The following BOP1 variants were observed in gnomAD, a reference collection of about 807,000 sequenced individuals.
The protein encoded by BOP1 is ribosome biogenesis protein BOP1.
Under a neutral mutation model 82.9 loss-of-function variants are expected in BOP1, and 54 were observed. That is an observed-to-expected ratio of 0.65 (90% CI 0.52 to 0.82). The LOEUF (loss-of-function observed/expected upper bound fraction) is 0.82, where lower values mean the gene tolerates loss of function less well. BOP1 is among the 40% of genes least tolerant of loss of function. The pLI, the probability that BOP1 is intolerant of heterozygous loss-of-function variation, is 0.00. For missense variants in BOP1, 1,170 were observed against 1,072.0 expected (o/e 1.09, Z -1.28); for synonymous variants, 566 against 451.1 (o/e 1.25, Z -3.23).
intron 2 of BOP1, among the ~76,000 whole-genome samples, chr8:144,285,492 CA>C (rs1814842054): frequency 6.6e-6 from 1 of 152,196 alleles, no homozygotes; most frequent in African/African-American, 2.4e-5. Context: ...TCTCGTCCTT[CA>C]GGGGCTGCCA....
At chr8:144,263,952 CA>C in intron 8 of BOP1, 28 bp downstream of exon 8, 1 of 1,611,220 alleles carries the variant, frequency 6.2e-7, no homozygotes, top group Non-Finnish European at 8.5e-7. Context: ...CCCCCTGTGC[CA>C]CCCCCCTGGT....
chr8:144,263,200 C>G, intron 12 of BOP1, 21 bp downstream of exon 12: 1 of 1,593,424 alleles, frequency 6.3e-7, no homozygotes, highest in Non-Finnish European at 8.5e-7. Flanking sequence ...TGCAGCCTCA[C>G]CCCCAAGGCG....
intron 2 of BOP1, among the ~76,000 whole-genome samples, chr8:144,287,301 C>G (rs924382913): frequency 6.6e-6 from 1 of 152,130 alleles, no homozygotes; most frequent in African/African-American, 2.4e-5. Flanking sequence ...TGAGCCACCA[C>G]GCCCGCTGAA....
chr8:144,265,883 G>C (rs893482575), intron 3 of BOP1: 4 of 153,048 alleles, frequency 2.6e-5, no homozygotes, highest in Admixed American at 1.3e-4. Context: ...GAAGGAGGAA[G>C]GGGCAAGGAG....
intron 2 of BOP1, chr8:144,281,791 G>GC (rs1845689110): frequency 1.3e-5 from 2 of 152,062 alleles, no homozygotes; most frequent in Non-Finnish European, 2.9e-5. Context: ...CACCATGTTG[G>GC]CCGGGCTGGT....
chr8:144,263,614 G>A lies in BOP1; in HGVS notation c.1292-4C>T, dbSNP rs1227140373. 14 of 1,608,610 alleles carry A rather than the reference G, an allele frequency of 8.7e-6. No homozygotes were observed. The highest frequency in any genetic ancestry group is 2.0e-4 in the Middle Eastern group (1 of 4,988). On this transcript the variant is annotated splice_polypyrimidine_tract_variant and splice_region_variant and intron_variant, in intron 10 of 15. Coordinates refer to ENST00000569669, the MANE Select transcript of BOP1 (RefSeq NM_015201.5). Reference sequence around the variant, plus strand: ...CGCAGGGAGCCGTCGTCAGAGCCTGGATGCGGCAGAGACAGCTCTCAACAC... The same window carrying A: ...CGCAGGGAGCCGTCGTCAGAGCCTGAATGCGGCAGAGACAGCTCTCAACAC...
At chr8:144,265,127 C>A in intron 3 of BOP1, 56 bp from the exon 4 acceptor site, 1 of 1,575,612 alleles carries the variant, frequency 6.3e-7, no homozygotes, top group South Asian at 1.2e-5. Context: ...ACCCCCGCTT[C>A]GGGCCGCCCA....
In BOP1 at chr8:144,289,298, G is replaced by C. The variant is rs782467368; in HGVS notation, c.106C>G (p.Leu36Val). The C allele has an allele frequency of 5.6e-6, 9 of 1,613,278 alleles. No individual in the cohort carries two copies. The highest frequency in any genetic ancestry group is 1.7e-5 in the Admixed American group (1 of 59,924). Residue 36 changes from leucine to valine, a missense_variant, in exon 2 of 16, where the codon CTC (leucine) becomes GTC (valine). Transcript: ENST00000569669. ...LEPEPEPEPP[L>V]LCTSPLSHST... ...TGGCTGAGAGGAGAGGTGCAGAGGAGGGGGGGCTGCAAGGAAACACTGGGT... is the reference window on the plus strand; with the variant it reads ...TGGCTGAGAGGAGAGGTGCAGAGGACGGGGGGCTGCAAGGAAACACTGGGT...
Position 144,289,267 on chromosome 8 carries a change from G to A in BOP1, c.137C>T (p.Thr46Ile), listed in dbSNP as rs1554839833. 1.6e-5 allele frequency: 26 copies of A among 1,613,972 alleles called. No individual in the cohort carries two copies. Among genetic ancestry groups the A allele is most frequent in the Non-Finnish European group, 2.1e-5 (25 of 1,180,020 alleles). Residue 46 changes from threonine to isoleucine, a missense_variant, in exon 2 of 16, where the codon ACC becomes ATC. Physicochemically the swap from Thr to Ile is moderately conservative, Grantham distance 89. Transcript: ENST00000569669. ...LLCTSPLSHS[T>I]GSDSGVSDSE... The stretch of plus-strand genomic sequence containing the variant: ...GTCGGAGACGCCAGAATCGCTGCCG[G>A]TGCTGTGGCTGAGAGGAGAGGTGCA...
chr8:144,269,058 C>A (rs1230017536), intron 3 of BOP1, among the ~76,000 whole-genome samples: 1 of 152,188 alleles, frequency 6.6e-6, no homozygotes, highest in Non-Finnish European at 1.5e-5. Flanking sequence ...GGAAGCACTG[C>A]CCACGTGGGA....
At chr8:144,268,307 C>A (rs931513348) in intron 3 of BOP1, 6 of 991,208 alleles carry the variant, frequency 6.1e-6, no homozygotes, top group East Asian at 2.6e-5. Flanking sequence ...GACGGACGTA[C>A]AGACAGGCGC....
rs1003003808 is a variant in BOP1, at chr8:144,263,683, C to G, written c.1291+9G>C. 6 of 1,580,230 alleles carry G rather than the reference C, an allele frequency of 3.8e-6. No individual in the cohort carries two copies. Among genetic ancestry groups the G allele is most frequent in the South Asian group, 2.3e-5 (2 of 87,316 alleles). ...CCCCAGCTCAAGGCTGCCCCCAGCT[C>G]GGACCCACCTGAAACCAGCCACTGG... On this transcript the variant is annotated intron_variant, in intron 10 of 15. Transcript: ENST00000569669.
chr8:144,290,561 T>C (rs1554840041), intron 1 of BOP1, among the ~76,000 whole-genome samples: 2 of 152,156 alleles, frequency 1.3e-5, no homozygotes, highest in Admixed American at 1.3e-4. Flanking sequence ...TCACAATAAC[T>C]AGTGGAAATG....
At chr8:144,276,558 GGGCTGACACGGGTGTCAGGCTAGACAC>G (rs1486938241) in intron 2 of BOP1, among the ~76,000 whole-genome samples, 2 of 152,150 alleles carry the variant, frequency 1.3e-5, no homozygotes, top group Non-Finnish European at 2.9e-5. Context: ...CTCTGTCCCT[GGGCTGACACGGGTGTCAGGCTAGACAC>G]GGAAGCCACT....
Position 144,291,050 on chromosome 8 carries a change from A to G in BOP1, c.99+222T>C, listed in dbSNP as rs1373812179. Reference sequence around the variant, plus strand: ...CTGCTGCAAGGGGCGCCCCGTCCCCACTCCCCGCTCCCCCGTTTCTTTGCT... The same window carrying G: ...CTGCTGCAAGGGGCGCCCCGTCCCCGCTCCCCGCTCCCCCGTTTCTTTGCT... On this transcript the variant is annotated intron_variant, in intron 1 of 15. Coordinates refer to ENST00000569669, the MANE Select transcript of BOP1 (RefSeq NM_015201.5). This position sits in a 1 kb window ranked among gnomAD's most constrained non-coding sequence, Gnocchi z 4.1. Among the ~76,000 whole-genome samples the G allele has an allele frequency of 1.4e-5, 2 of 141,600 alleles. No homozygotes were observed. The highest frequency in any genetic ancestry group is 3.1e-5 in the Non-Finnish European group (2 of 64,966). 92.9% of individuals were successfully genotyped at this position (141,600 alleles called of 152,430 possible).
intron 3 of BOP1, among the ~76,000 whole-genome samples, chr8:144,273,151 G>A (rs980338325): frequency 3.1e-4 from 47 of 152,292 alleles, no homozygotes; most frequent in Admixed American, 1.4e-3. Flanking sequence ...CTGAGTGCGC[G>A]GGGCCAGGAC....
intron 2 of BOP1, among the ~76,000 whole-genome samples, chr8:144,279,867 C>T (rs2130248543): frequency 6.6e-6 from 1 of 152,284 alleles, no homozygotes; most frequent in Middle Eastern, 3.4e-3. Flanking sequence ...CCTTCGTGAA[C>T]ATGGCTGTCA....
At chr8:144,273,761 G>A (rs1193345952) in intron 3 of BOP1, among the ~76,000 whole-genome samples, 1 of 151,402 alleles carries the variant, frequency 6.6e-6, no homozygotes, top group Admixed American at 6.5e-5. Flanking sequence ...GGCCATGCGG[G>A]GGCGGGGCAG....
In BOP1 at chr8:144,262,187, C is replaced by G. The variant is rs1020723782; in HGVS notation, c.2218G>C (p.Gly740Arg). ...AGCTAGGTGAAGAGGCGGACAGTCC[C>G]GTCTGCCCCCGAGGAGAAGACCCAC... ...QPWVFSSGAD[G>R]TVRLFT is the part of the protein sequence containing the mutation. Residue 740 changes from glycine (G) to arginine (R), a missense_variant, in exon 16 of 16, where the codon GGG (glycine) becomes CGG (arginine). Gly to Arg is a moderately radical substitution (Grantham distance 125). Transcript: ENST00000569669. The G allele has an allele frequency of 1.3e-5, 21 of 1,612,356 alleles. No individual in the cohort carries two copies. The Admixed American group carries it at 3.3e-4, about 26-fold the overall frequency.
Sources: gnomAD v4.1 joint callset for allele counts (sites outside exome capture counted in the v4.1 genomes callset) on GRCh38, gnomAD v4.1.1 for gene constraint, Gnocchi (gnomAD v3.1) non-coding constraint, MANE v1.5 for transcripts, NCBI Gene and HGNC (gene_info 2026-07-23, HGNC 2026-07-21) for gene names.